Variants in FGF1 observed in about 807,000 individuals in gnomAD.
FGF1 encodes the protein beta-endothelial cell growth factor.
Under a neutral mutation model 13.4 loss-of-function variants are expected in FGF1, and 9 were observed. The observed-to-expected ratio is 0.67, with a 90% confidence interval of 0.40 to 1.17. The LOEUF (loss-of-function observed/expected upper bound fraction) is 1.17. FGF1 is among the 50% of genes most tolerant of loss of function. The probability of loss-of-function intolerance (pLI) is 0.01; values close to 1 mark genes in which losing one functional copy is unlikely to be tolerated. For synonymous variants in FGF1, 93 were observed against 79.0 expected (o/e 1.18, Z -0.94); for missense variants, 156 against 192.7 (o/e 0.81, Z 1.13).
At position 142,605,710 on chromosome 5, in the gene FGF1, T is replaced by C. The variant is rs115864663; in HGVS notation, c.170-4905A>G. 4.7e-3 allele frequency among the ~76,000 whole-genome samples: 722 copies of C among 152,340 alleles called. 5 individuals carry two copies. The highest frequency in any genetic ancestry group is 7.4e-3 in the Non-Finnish European group (504 of 68,036). On this transcript the variant is annotated intron_variant, in intron 2 of 3. Coordinates refer to ENST00000337706, the MANE Select transcript of FGF1 (RefSeq NM_000800.5). ...ATTATTTCTCCAGGATGTCCAAGTT[T>C]CATAGCTCATTTTCACTAGATTTCT... is the stretch of plus-strand genomic sequence containing the variant.
intron 1 of FGF1, chr5:142,680,158 T>C (rs1773439541): frequency 6.6e-6 from 1 of 152,192 alleles, no homozygotes; most frequent in African/African-American, 2.4e-5. Flanking sequence ...ATCTCCAAAA[T>C]AAGGTTGCAT....
intron 1 of FGF1, among the ~76,000 whole-genome samples, chr5:142,674,855 GC>G (rs1445353834): frequency 6.6e-6 from 1 of 152,144 alleles, no homozygotes; most frequent in Non-Finnish European, 1.5e-5. Flanking sequence ...TCCTCTGCCT[GC>G]CACGGGTCAG....
At chr5:142,689,495 A>G (rs12054748), upstream of FGF1, among the ~76,000 whole-genome samples, 2,409 of 152,150 alleles carry the variant, frequency 0.016, 154 homozygotes, top group East Asian at 0.22. Context: ...GCTGAGTCCA[A>G]TGACCCTCAA....
At chr5:142,646,084 T>C (rs1766019707) in intron 1 of FGF1, among the ~76,000 whole-genome samples, 1 of 151,844 alleles carries the variant, frequency 6.6e-6, no homozygotes, top group African/African-American at 2.4e-5. Flanking sequence ...AATTTTTTTG[T>C]ATTTGTAGTA....
At chr5:142,681,418 G>A (rs777005694) in intron 1 of FGF1, among the ~76,000 whole-genome samples, 2 of 152,136 alleles carry the variant, frequency 1.3e-5, no homozygotes, top group African/African-American at 2.4e-5. Context: ...CTTGGGCACC[G>A]TCCACTACCT....
At chr5:142,642,664 G>A (rs559791475) in intron 1 of FGF1, among the ~76,000 whole-genome samples, 12 of 152,352 alleles carry the variant, frequency 7.9e-5, no homozygotes, top group East Asian at 7.7e-4. Flanking sequence ...CTTGAGCCAC[G>A]TGGGCTCCCA....
At chr5:142,655,722 G>C (rs889501523) in intron 1 of FGF1, among the ~76,000 whole-genome samples, 8 of 152,212 alleles carry the variant, frequency 5.3e-5, no homozygotes, top group Admixed American at 5.2e-4. Context: ...AGAACATCTT[G>C]GGGTTTCAGT....
chr5:142,662,105 G>A (rs1311338547), intron 1 of FGF1, among the ~76,000 whole-genome samples: 2 of 152,130 alleles, frequency 1.3e-5, no homozygotes, highest in African/African-American at 2.4e-5. Flanking sequence ...GAGACAGAAC[G>A]TAGATTAGTG....
chr5:142,674,902 A>T (rs1003306259), intron 1 of FGF1, among the ~76,000 whole-genome samples: 1 of 152,172 alleles, frequency 6.6e-6, no homozygotes, highest in African/African-American at 2.4e-5. Context: ...ACGAGAAGCC[A>T]TAAGGCCTTC....
rs919302930 is a variant in FGF1 at position 142,667,056 on chromosome 5, C to T, written c.-35+18901G>A. ...CAGCACTTTGGGAGGCCAAGGCAGG[C>T]GCATCACAAGTTCAGGAGTTCGAGA... On this transcript the variant is annotated intron_variant, in intron 1 of 3. Transcript: ENST00000337706. Among the ~76,000 whole-genome samples, 11 of 151,894 alleles carry T rather than the reference C, an allele frequency of 7.2e-5. No homozygotes were observed. In the South Asian group the frequency reaches 1.0e-3, roughly 14 times the overall value.
chr5:142,692,520 T>G (rs1482648788), intron 2 of FGF1, among the ~76,000 whole-genome samples: 1 of 152,170 alleles, frequency 6.6e-6, no homozygotes, highest in Non-Finnish European at 1.5e-5. Flanking sequence ...ACTATCCTGT[T>G]GGTTTAGATT....
At chr5:142,596,684 G>A (rs899431135) in intron 3 of FGF1, among the ~76,000 whole-genome samples, 3 of 148,690 alleles carry the variant, frequency 2.0e-5, no homozygotes. Context: ...GTTTGAGGCT[G>A]TAGTGAGCTA....
chr5:142,664,283 G>C (rs142899537), intron 1 of FGF1, among the ~76,000 whole-genome samples: 206 of 152,302 alleles, frequency 1.4e-3, no homozygotes, highest in African/African-American at 4.5e-3. Context: ...TGCACTGATG[G>C]GTCAGGCAAG....
At position 142,668,902 on chromosome 5, in the gene FGF1, G is replaced by A. The variant is rs535781902; in HGVS notation, c.-35+17055C>T. ...GCCAAGGGCTGGGGGGATGGATGGA[G>A]GGCTGAAGAGGAAGGGGTCAGGAGG... is the stretch of plus-strand genomic sequence containing the variant. On this transcript the variant is annotated intron_variant, in intron 1 of 3. Coordinates refer to ENST00000337706, the MANE Select transcript of FGF1 (RefSeq NM_000800.5). Among the ~76,000 whole-genome samples, 6 of 152,320 alleles carry A rather than the reference G, an allele frequency of 3.9e-5. No homozygotes were observed. In the South Asian group the frequency reaches 1.2e-3, roughly 32 times the overall value.
intron 1 of FGF1, chr5:142,680,639 T>C (rs1389008304): frequency 6.6e-6 from 1 of 152,172 alleles, no homozygotes; most frequent in African/African-American, 2.4e-5. Context: ...GGCTTCACAG[T>C]GTACCCAGCA....
At chr5:142,641,233 C>T (rs1454809540) in intron 1 of FGF1, among the ~76,000 whole-genome samples, 1 of 152,000 alleles carries the variant, frequency 6.6e-6, no homozygotes, top group Non-Finnish European at 1.5e-5. Context: ...CTGTTTTGGT[C>T]TTAGTGGTTA....
At chr5:142,676,268 CAT>C (rs1772582361) in intron 1 of FGF1, among the ~76,000 whole-genome samples, 1 of 152,174 alleles carries the variant, frequency 6.6e-6, no homozygotes, top group Non-Finnish European at 1.5e-5. Flanking sequence ...AACAATCATT[CAT>C]ATCTTATTGA....
At chr5:142,666,941 A>G (rs773149880) in intron 1 of FGF1, among the ~76,000 whole-genome samples, 6 of 151,922 alleles carry the variant, frequency 3.9e-5, no homozygotes, top group Admixed American at 6.6e-5. Context: ...AAAAACAAAA[A>G]CAAAAATGAA....
At position 142,694,039 on chromosome 5, in the gene FGF1, T is replaced by C. The variant is rs368352012; in HGVS notation, c.-35+3583A>G. On this transcript the variant is annotated intron_variant, in intron 2 of 4. Coordinates refer to the FGF1 transcript ENST00000407758. ...CTTGGGTCTAGCAGTGTTTTTTTTT[T>C]CTCTTAAAGATTTACCCGAAGAATT... Among the ~76,000 whole-genome samples, 14 of 151,950 alleles carry C rather than the reference T, an allele frequency of 9.2e-5. No homozygotes were observed. The East Asian group carries it at 2.1e-3, about 23-fold the overall frequency.
Sources: gnomAD v4.1 joint callset for allele counts (sites outside exome capture counted in the v4.1 genomes callset) on GRCh38, gnomAD v4.1.1 for gene constraint, MANE v1.5 for transcripts, NCBI Gene and HGNC (gene_info 2026-07-23, HGNC 2026-07-21) for gene names.